Variants in G3BP2 observed in about 807,000 individuals in gnomAD.
G3BP2 encodes the protein G3BP stress granule assembly factor 2.
In G3BP2, 11 loss-of-function variants were observed where a neutral mutation model predicts 56.7. The observed-to-expected ratio is 0.19, with a 90% CI of 0.12 to 0.32. The LOEUF (loss-of-function observed/expected upper bound fraction) is 0.32. G3BP2 is among the 10% of genes least tolerant of loss of function. The probability of loss-of-function intolerance (pLI) is 1.00; values close to 1 mark genes in which losing one functional copy is unlikely to be tolerated. For missense variants in G3BP2, 340 were observed against 610.9 expected (o/e 0.56, Z 4.67); for synonymous variants, 165 against 191.6 (o/e 0.86, Z 1.15).
chr4:75,658,418 ACAAT>A (rs1471657089), intron 3 of G3BP2, among the ~76,000 whole-genome samples: 1 of 149,828 alleles, frequency 6.7e-6, no homozygotes, highest in Non-Finnish European at 1.5e-5. Context: ...GTTACCAATA[ACAAT>A]CATATTGGGG....
upstream of G3BP2, among the ~76,000 whole-genome samples, chr4:75,675,417 T>A (rs1044878977): frequency 6.6e-6 from 1 of 152,176 alleles, no homozygotes; most frequent in African/African-American, 2.4e-5. Flanking sequence ...AGTTTCTGAT[T>A]CAACAGAGGC....
intron 1 of G3BP2, among the ~76,000 whole-genome samples, chr4:75,665,650 CAA>C (rs1560623856): frequency 0.037 from 1,210 of 32,858 alleles, 13 homozygotes; most frequent in East Asian, 0.12. Flanking sequence ...CACAAACACA[CAA>C]ACAAACACAC....
Position 75,673,375 on chromosome 4 carries a change from C to A in G3BP2, c.-192G>T, listed in dbSNP as rs1468697841. Reference sequence around the variant, plus strand: ...TGCCTCACAACCACCTCTTCCCGGGCGCCAGGCGCTGCGACGTGCGACAAG... The same window carrying A: ...TGCCTCACAACCACCTCTTCCCGGGAGCCAGGCGCTGCGACGTGCGACAAG... On this transcript the variant is annotated 5_prime_UTR_variant, in exon 1 of 12. Coordinates refer to ENST00000359707, the MANE Select transcript of G3BP2 (RefSeq NM_203505.3). The A allele has an allele frequency of 1.6e-6, 2 of 1,231,194 alleles. No homozygotes were observed. Among genetic ancestry groups the A allele is most frequent in the Non-Finnish European group, 2.0e-6 (2 of 987,924 alleles). 76.3% of individuals were successfully genotyped at this position (1,231,194 alleles called of 1,614,324 possible). A position where few individuals can be genotyped will look rare whatever the true frequency, so the allele number is the denominator to read the frequency against.
intron 5 of G3BP2, among the ~76,000 whole-genome samples, chr4:75,656,292 C>CCCT (rs1324581686): frequency 3.4e-5 from 2 of 58,648 alleles, no homozygotes; most frequent in African/African-American, 1.0e-4. Flanking sequence ...GCGCTCGGCT[C>CCCT]CAATTTTTTT....
intron 3 of G3BP2, among the ~76,000 whole-genome samples, chr4:75,707,481 A>C (rs28520310): frequency 0.46 from 70,015 of 151,248 alleles, 16,576 homozygotes; most frequent in East Asian, 0.78. Flanking sequence ...TGGTGGCGGG[A>C]GCCTGTAGTC....
chr4:75,697,777 T>C (rs1477459961), intron 3 of G3BP2, among the ~76,000 whole-genome samples: 1 of 151,812 alleles, frequency 6.6e-6, no homozygotes, highest in Non-Finnish European at 1.5e-5. Context: ...CTACTAAAAA[T>C]AGAAAAATTA....
intron 3 of G3BP2, among the ~76,000 whole-genome samples, chr4:75,695,712 C>T (rs991264348): frequency 2.0e-5 from 3 of 152,120 alleles, no homozygotes; most frequent in Non-Finnish European, 1.5e-5. Context: ...TGGTGGCTCA[C>T]GCCTGTAATC....
chr4:75,646,343 C>CA lies in G3BP2; in HGVS notation c.1170dup (p.Ala391CysfsTer32). 7.1e-7 allele frequency: 1 copy of CA among 1,413,482 alleles called. No homozygotes were observed. Among genetic ancestry groups the CA allele is most frequent in the Non-Finnish European group, 9.9e-7 (1 of 1,011,590 alleles). The allele number at this position is 1,413,482 out of a possible 1,614,324, so 87.6% of individuals were successfully genotyped here. ...ATGCCCTTTAAATCACTTACTTTTG[C>CA]AATTAAGATTCTCTGAACTGGTTCA... On this transcript the variant is annotated frameshift_variant, in exon 11 of 12. Coordinates refer to ENST00000359707, the MANE Select transcript of G3BP2 (RefSeq NM_203505.3). LOFTEE classifies it high-confidence loss of function.
chr4:75,646,148 C>T (rs568888517), intron 11 of G3BP2, among the ~76,000 whole-genome samples, 190 bp downstream of exon 11: 1 of 152,308 alleles, frequency 6.6e-6, no homozygotes, highest in African/African-American at 2.4e-5. Context: ...TTCCCACCTT[C>T]TTCAGCAAAG....
intron 3 of G3BP2, among the ~76,000 whole-genome samples, chr4:75,679,264 C>G (rs1486816232): frequency 2.0e-5 from 3 of 152,184 alleles, no homozygotes; most frequent in Non-Finnish European, 2.9e-5. Flanking sequence ...GGATCCTTTA[C>G]AAAGCTTTTT....
intron 3 of G3BP2, among the ~76,000 whole-genome samples, chr4:75,657,973 T>C (rs559847073): frequency 2.8e-4 from 42 of 152,312 alleles, no homozygotes; most frequent in African/African-American, 8.9e-4. Context: ...TTTTCTGTAG[T>C]AAGTATTTGG....
Position 75,684,550 on chromosome 4 carries a change from G to A in G3BP2, c.-24-22501C>T, listed in dbSNP as rs544548792. On this transcript the variant is annotated intron_variant, in intron 3 of 3. Transcript: ENST00000499709. ...AAGTTTTTTGTTTTTGTTTTTGACA[G>A]AGTCTGGCTATGTTGCCCAGGCTGG... Among the ~76,000 whole-genome samples the A allele has an allele frequency of 3.9e-5, 6 of 152,124 alleles. 1 individual carries two copies. Among genetic ancestry groups the A allele is most frequent in the African/African-American group, 1.4e-4 (6 of 41,512 alleles).
At chr4:75,673,642 G>A (rs984873425), upstream of G3BP2, 2 of 1,229,930 alleles carry the variant, frequency 1.6e-6, no homozygotes, top group African/African-American at 3.1e-5. Flanking sequence ...CCGCTGATTT[G>A]ACGTCACAAG....
chr4:75,663,443 A>T (rs1203044041), intron 1 of G3BP2, among the ~76,000 whole-genome samples: 1 of 152,066 alleles, frequency 6.6e-6, no homozygotes, highest in Non-Finnish European at 1.5e-5. Context: ...TAAATTTTTT[A>T]ATTTTTATTT....
intron 3 of G3BP2, among the ~76,000 whole-genome samples, chr4:75,716,675 C>T (rs895992862): frequency 1.3e-5 from 2 of 152,058 alleles, no homozygotes; most frequent in African/African-American, 4.8e-5. Flanking sequence ...ACCACCATGC[C>T]CAGCTAATTT....
At chr4:75,685,165 T>C (rs1410976427) in intron 3 of G3BP2, among the ~76,000 whole-genome samples, 1 of 148,780 alleles carries the variant, frequency 6.7e-6, no homozygotes, top group African/African-American at 2.5e-5. Context: ...ATTTTGAAAA[T>C]AAACACTTTT....
At chr4:75,686,975 C>T (rs377762742) in intron 3 of G3BP2, among the ~76,000 whole-genome samples, 5 of 152,148 alleles carry the variant, frequency 3.3e-5, no homozygotes, top group Admixed American at 6.6e-5. Flanking sequence ...TGCCTGCAAT[C>T]GCAGCACTTG....
intron 8 of G3BP2, among the ~76,000 whole-genome samples, chr4:75,651,311 G>A (rs1162743323): frequency 2.0e-5 from 3 of 152,188 alleles, no homozygotes; most frequent in South Asian, 4.1e-4. Context: ...CAAAGAACTT[G>A]AGGCCCTGGT....
chr4:75,652,290 G>A (rs1731753098), intron 8 of G3BP2, among the ~76,000 whole-genome samples: 1 of 152,122 alleles, frequency 6.6e-6, no homozygotes, highest in Non-Finnish European at 1.5e-5. Flanking sequence ...ATACAGATAA[G>A]ATACATGACT....
Sources: gnomAD v4.1 joint callset for allele counts (sites outside exome capture counted in the v4.1 genomes callset) on GRCh38, gnomAD v4.1.1 for gene constraint, MANE v1.5 for transcripts, NCBI Gene and HGNC (gene_info 2026-07-23, HGNC 2026-07-21) for gene names.